Variants in ASCC3 observed in about 807,000 individuals in gnomAD.
The protein encoded by ASCC3 is ASC-1 complex subunit P200.
Under a neutral mutation model 256.3 loss-of-function variants are expected in ASCC3, and 158 were observed. The observed-to-expected ratio is 0.62, with a 90% CI of 0.54 to 0.70. ASCC3 has a LOEUF of 0.70. Ranked by LOEUF, ASCC3 falls within the 30% of genes least tolerant of loss-of-function variation. The pLI is 0.00. For missense variants in ASCC3, 2,259 were observed against 2,626.0 expected, an observed-to-expected ratio of 0.86 and a Z score of 3.05; for synonymous variants, 948 against 883.4, an observed-to-expected ratio of 1.07 and a Z score of -1.30.
At chr6:100,777,595 A>T (rs1582848654) in intron 8 of ASCC3, among the ~76,000 whole-genome samples, 1 of 152,130 alleles carries the variant, frequency 6.6e-6, no homozygotes, top group East Asian at 1.9e-4. Context: ...AGGTTTCTAG[A>T]AAGGTGCCTC....
At chr6:100,706,903 T>C (rs1194985725) in intron 13 of ASCC3, among the ~76,000 whole-genome samples, 1 of 152,132 alleles carries the variant, frequency 6.6e-6, no homozygotes, top group Non-Finnish European at 1.5e-5. Context: ...TAAGTTGAGA[T>C]GATTGCATTA....
chr6:100,531,532 T>A (rs1368097545), intron 37 of ASCC3, among the ~76,000 whole-genome samples: 6 of 151,580 alleles, frequency 4.0e-5, no homozygotes, highest in Non-Finnish European at 7.4e-5. Context: ...TATATTTAAG[T>A]ATACTGGATC....
intron 13 of ASCC3, among the ~76,000 whole-genome samples, chr6:100,702,783 T>C (rs372906128): frequency 2.8e-4 from 42 of 152,306 alleles, no homozygotes; most frequent in Middle Eastern, 3.4e-3. Context: ...CTATTGATTA[T>C]TTTATTCACA....
chr6:100,584,368 T>C (rs2114757575), intron 36 of ASCC3, among the ~76,000 whole-genome samples: 1 of 151,886 alleles, frequency 6.6e-6, no homozygotes, highest in Admixed American at 6.7e-5. Flanking sequence ...TTTTGATCTT[T>C]GTTGGTTTAA....
chr6:100,646,745 A>G lies in ASCC3; in HGVS notation c.3503T>C (p.Ile1168Thr). 6.2e-7 allele frequency: 1 copy of G among 1,614,008 alleles called. No homozygotes were observed. Among genetic ancestry groups the G allele is most frequent in the Non-Finnish European group, 8.5e-7 (1 of 1,179,902 alleles). Residue 1168 changes from isoleucine to threonine, a missense_variant, in exon 22 of 42, where the codon ATT becomes ACT. Around this residue, in one of 2 missense-constraint regions of ASCC3, gnomAD observed 1,839 missense variants for 2,206.7 expected, o/e 0.83. Coordinates refer to ENST00000369162, the MANE Select transcript of ASCC3 (RefSeq NM_006828.4). ...AACACATTGTTTGACCTTCAGTCCA[A>G]TATTCACATGATGTAAAATGTGACC... ...EIGHILHHVN[I>T]GLKVKQCVHQ... is the part of the protein sequence containing the mutation.
chr6:100,634,804 T>C (rs1223851115), intron 25 of ASCC3, among the ~76,000 whole-genome samples: 3 of 147,510 alleles, frequency 2.0e-5, no homozygotes, highest in Non-Finnish European at 4.4e-5. Context: ...GAGGATTGCT[T>C]GAGCCCAGAA....
At chr6:100,814,064 T>C (rs186646332) in intron 4 of ASCC3, among the ~76,000 whole-genome samples, 1 of 152,320 alleles carries the variant, frequency 6.6e-6, no homozygotes, top group East Asian at 1.9e-4. Flanking sequence ...CGGTATGATC[T>C]TGGCTGTGGA....
chr6:100,728,244 G>C (rs1326511491), intron 10 of ASCC3, among the ~76,000 whole-genome samples: 1 of 151,858 alleles, frequency 6.6e-6, no homozygotes, highest in Non-Finnish European at 1.5e-5. Context: ...AAGAAGGGGG[G>C]AATGATAAAG....
At chr6:100,690,721 T>C (rs1777802448) in intron 13 of ASCC3, among the ~76,000 whole-genome samples, 1 of 152,144 alleles carries the variant, frequency 6.6e-6, no homozygotes, top group Admixed American at 6.5e-5. Context: ...TGACTAGTCT[T>C]CATTCATGAA....
chr6:100,773,938 A>G (rs1006504962), intron 8 of ASCC3, among the ~76,000 whole-genome samples: 3 of 152,334 alleles, frequency 2.0e-5, no homozygotes, highest in African/African-American at 7.2e-5. Context: ...TAAAAAACCT[A>G]TTTCTTTGTT....
chr6:100,810,683 A>G (rs909123935), intron 4 of ASCC3, among the ~76,000 whole-genome samples: 3 of 152,154 alleles, frequency 2.0e-5, no homozygotes, highest in Admixed American at 6.6e-5. Context: ...ACAACATAAA[A>G]AAGTCTTTTG....
chr6:100,534,448 A>T (rs758902449), intron 37 of ASCC3, among the ~76,000 whole-genome samples: 1 of 152,216 alleles, frequency 6.6e-6, no homozygotes, highest in Non-Finnish European at 1.5e-5. Flanking sequence ...TTTCTTTGGC[A>T]TATCCAGTAC....
At chr6:100,525,227 C>G (rs1034555451) in intron 37 of ASCC3, among the ~76,000 whole-genome samples, 1 of 130,132 alleles carries the variant, frequency 7.7e-6, no homozygotes, top group African/African-American at 2.9e-5. Context: ...AAGATCATGA[C>G]AAAGGTTGAA....
At chr6:100,528,928 T>C (rs1020070734) in intron 37 of ASCC3, among the ~76,000 whole-genome samples, 1 of 152,202 alleles carries the variant, frequency 6.6e-6, no homozygotes, top group Non-Finnish European at 1.5e-5. Context: ...TCTGCTATCT[T>C]TTGGGGGAAT....
intron 36 of ASCC3, among the ~76,000 whole-genome samples, chr6:100,557,668 A>G (rs111517173): frequency 8.5e-6 from 1 of 117,504 alleles, no homozygotes; most frequent in Non-Finnish European, 1.6e-5. Flanking sequence ...CAAATATAAA[A>G]TGTGCCCCTT....
chr6:100,542,325 G>A (rs1459819568), intron 36 of ASCC3, among the ~76,000 whole-genome samples: 1 of 152,124 alleles, frequency 6.6e-6, no homozygotes, highest in Admixed American at 6.5e-5. Context: ...AAGAAACCAG[G>A]TTTCTCATCA....
chr6:100,774,204 C>T (rs1257721804), intron 8 of ASCC3, among the ~76,000 whole-genome samples: 1 of 152,152 alleles, frequency 6.6e-6, no homozygotes, highest in African/African-American at 2.4e-5. Context: ...GTTGCCCAGG[C>T]TGAAGCGCAG....
chr6:100,628,132 A>G (rs1774342762), intron 27 of ASCC3, 145 bp from the exon 28 acceptor site: 1 of 895,752 alleles, frequency 1.1e-6, no homozygotes, highest in Non-Finnish European at 1.7e-6. Flanking sequence ...AGAACTACCA[A>G]AGGATTCTGC....
chr6:100,855,264 C>T lies in ASCC3; in HGVS notation c.242-6557G>A, dbSNP rs147519818. 2.8e-3 allele frequency among the ~76,000 whole-genome samples: 420 copies of T among 152,262 alleles called. 3 individuals carry two copies. The highest frequency in any genetic ancestry group is 0.01 in the Middle Eastern group (3 of 294). ...GAGTAGCTGGGACTACAGACGTGCA[C>T]TACCATGCCTGGCTAATTGTTTTTG... On this transcript the variant is annotated intron_variant, in intron 3 of 41. Coordinates refer to ENST00000369162, the MANE Select transcript of ASCC3 (RefSeq NM_006828.4).
Sources: allele counts gnomAD v4.1 joint callset (sites outside exome capture counted in the v4.1 genomes callset), GRCh38; gene constraint gnomAD v4.1.1; regional missense constraint gnomAD v4.1.1; transcripts MANE v1.5; gene names NCBI Gene and HGNC (gene_info 2026-07-23, HGNC 2026-07-21).